Variants in IGF1R observed in about 807,000 individuals in gnomAD.
The protein encoded by IGF1R is insulin like growth factor 1 receptor.
A neutral mutation model predicts 144.6 loss-of-function variants in IGF1R; 44 were observed. The observed-to-expected ratio is 0.30, with a 90% CI of 0.24 to 0.39. The LOEUF (loss-of-function observed/expected upper bound fraction) is 0.39. IGF1R is among the 10% of genes least tolerant of loss of function. The pLI is 1.00. For synonymous variants in IGF1R, 795 were observed against 722.8 expected (o/e 1.10, Z -1.60); for missense variants, 1,355 against 1,833.7 (o/e 0.74, Z 4.77).
intron 20 of IGF1R, among the ~76,000 whole-genome samples, chr15:98,954,791 A>G (rs753080410): frequency 1.3e-5 from 2 of 152,100 alleles, no homozygotes; most frequent in Non-Finnish European, 2.9e-5. Context: ...TTTAACCCCA[A>G]TCATTTTTCT....
intron 2 of IGF1R, among the ~76,000 whole-genome samples, chr15:98,739,453 A>G (rs1174680887): frequency 6.6e-6 from 1 of 151,720 alleles, no homozygotes. Flanking sequence ...AAAATTGCAA[A>G]CTGATCAAAT....
chr15:98,702,698 G>A (rs1469929716), intron 1 of IGF1R, among the ~76,000 whole-genome samples: 3 of 152,148 alleles, frequency 2.0e-5, no homozygotes, highest in Non-Finnish European at 1.5e-5. Context: ...TGGAGGCTGA[G>A]GCTGGAGGAT....
chr15:98,935,275 C>A lies in IGF1R; in HGVS notation c.3187-41C>A. 2 of 1,212,430 alleles carry A rather than the reference C, an allele frequency of 1.6e-6. No individual in the cohort carries two copies. The highest frequency in any genetic ancestry group is 2.2e-6 in the Non-Finnish European group (2 of 906,538). The allele number at this position is 1,212,430 out of a possible 1,614,324, so 75.1% of individuals were successfully genotyped here. On this transcript the variant is annotated intron_variant, in intron 16 of 20. Transcript: ENST00000650285. This position sits in a 1 kb window ranked among gnomAD's most constrained non-coding sequence, Gnocchi z 4.2. The stretch of plus-strand genomic sequence containing the variant: ...AGACAACACAGGCATCAGCAAGGGC[C>A]ACCTGACCCTCTGAGTCTTTCTCTT...
At chr15:98,799,543 CA>C (rs2056317513) in intron 2 of IGF1R, among the ~76,000 whole-genome samples, 1 of 152,330 alleles carries the variant, frequency 6.6e-6, no homozygotes, top group South Asian at 2.1e-4. Context: ...GATTTAATCA[CA>C]GACCATGTAT....
At chr15:98,686,009 C>A (rs1281475370) in intron 1 of IGF1R, among the ~76,000 whole-genome samples, 2 of 152,254 alleles carry the variant, frequency 1.3e-5, no homozygotes. Flanking sequence ...TCTTCCCAAA[C>A]TGAAACTCCA....
At chr15:98,662,699 G>T (rs2052629399) in intron 1 of IGF1R, among the ~76,000 whole-genome samples, 1 of 152,132 alleles carries the variant, frequency 6.6e-6, no homozygotes, top group Admixed American at 6.5e-5. Context: ...GCTGCAGGCA[G>T]TGGGGTCACG....
intron 2 of IGF1R, among the ~76,000 whole-genome samples, chr15:98,721,488 C>G (rs1231674984): frequency 6.6e-6 from 1 of 152,130 alleles, no homozygotes; most frequent in East Asian, 1.9e-4. Context: ...GTTTGGTCCT[C>G]ATAGTTCTCT....
intron 2 of IGF1R, among the ~76,000 whole-genome samples, chr15:98,733,830 A>G (rs1350256713): frequency 6.6e-6 from 1 of 152,066 alleles, no homozygotes; most frequent in African/African-American, 2.4e-5. Flanking sequence ...AAGCCCAGGG[A>G]TTTGTTTTGT....
Position 98,740,644 on chromosome 15 carries a change from G to A in IGF1R, c.640+32537G>A, listed in dbSNP as rs543478395. On this transcript the variant is annotated intron_variant, in intron 2 of 20. Transcript: ENST00000650285. ...AATGTTTTATTAACAATAAATATGC[G>A]GCTTACCATATCTGTAGGGCACAGA... 1.1e-4 allele frequency among the ~76,000 whole-genome samples: 16 copies of A among 152,294 alleles called. No homozygotes were observed. The East Asian group carries it at 2.5e-3, about 24-fold the overall frequency.
At chr15:98,786,426 G>A (rs975392440) in intron 2 of IGF1R, among the ~76,000 whole-genome samples, 1 of 151,908 alleles carries the variant, frequency 6.6e-6, no homozygotes. Context: ...GATTTTTCTG[G>A]GACAGATGGC....
At chr15:98,732,720 A>G (rs1299806806) in intron 2 of IGF1R, among the ~76,000 whole-genome samples, 1 of 152,224 alleles carries the variant, frequency 6.6e-6, no homozygotes, top group Admixed American at 6.5e-5. Flanking sequence ...ATAGGAAACA[A>G]CAAAGGGTAG....
At chr15:98,863,983 T>C (rs932132041) in intron 2 of IGF1R, among the ~76,000 whole-genome samples, 6 of 152,116 alleles carry the variant, frequency 3.9e-5, no homozygotes, top group African/African-American at 1.4e-4. Flanking sequence ...CGTGGCTGGG[T>C]GTGGTGCCTC....
At chr15:98,769,894 T>C (rs2055540179) in intron 2 of IGF1R, among the ~76,000 whole-genome samples, 2 of 152,350 alleles carry the variant, frequency 1.3e-5, no homozygotes, top group East Asian at 1.9e-4. Flanking sequence ...AAAATTTCTT[T>C]AAAGCAGGAT....
intron 15 of IGF1R, among the ~76,000 whole-genome samples, chr15:98,931,465 C>G (rs1302521668): frequency 6.6e-6 from 1 of 152,124 alleles, no homozygotes; most frequent in African/African-American, 2.4e-5. Context: ...TTAATAATTT[C>G]TAATTCAGTT....
chr15:98,715,679 TG>T (rs1343289059), intron 2 of IGF1R, among the ~76,000 whole-genome samples: 1 of 152,154 alleles, frequency 6.6e-6, no homozygotes, highest in African/African-American at 2.4e-5. Flanking sequence ...AAGTTAAGTT[TG>T]GCTGGTGGTG....
intron 2 of IGF1R, among the ~76,000 whole-genome samples, chr15:98,720,396 G>T (rs935689314): frequency 2.0e-5 from 3 of 152,220 alleles, no homozygotes; most frequent in Non-Finnish European, 4.4e-5. Context: ...GGGGACCTCG[G>T]ATAGATCTGT....
chr15:98,820,793 G>A (rs142561730), intron 2 of IGF1R: 29 of 152,276 alleles, frequency 1.9e-4, no homozygotes, highest in African/African-American at 2.6e-4. Flanking sequence ...GTAAACCACT[G>A]CTCAGAATGT....
At chr15:98,755,227 T>C (rs1277923404) in intron 2 of IGF1R, among the ~76,000 whole-genome samples, 1 of 152,156 alleles carries the variant, frequency 6.6e-6, no homozygotes. Context: ...TTTCTCGGTG[T>C]ATGGATATCA....
chr15:98,952,365 T>C (rs931321055), intron 20 of IGF1R, among the ~76,000 whole-genome samples: 7 of 151,062 alleles, frequency 4.6e-5, no homozygotes, highest in African/African-American at 1.7e-4. Context: ...CTCCACACTT[T>C]GAGCAGCGCA....
Sources: gnomAD v4.1 joint callset for allele counts (sites outside exome capture counted in the v4.1 genomes callset) on GRCh38, gnomAD v4.1.1 for gene constraint, Gnocchi (gnomAD v3.1) non-coding constraint, MANE v1.5 for transcripts, NCBI Gene and HGNC (gene_info 2026-07-23, HGNC 2026-07-21) for gene names.